The following OSBPL10 variants were observed in gnomAD, a reference collection of about 807,000 sequenced individuals.
OSBPL10 encodes oxysterol-binding protein-related protein 10.
A neutral mutation model predicts 81.7 loss-of-function variants in OSBPL10; 49 were observed. That is an observed-to-expected ratio of 0.60 (90% CI 0.48 to 0.76). The LOEUF (loss-of-function observed/expected upper bound fraction) is 0.76, where lower values mean the gene tolerates loss of function less well. Ranked by LOEUF, OSBPL10 falls within the 30% of genes least tolerant of loss-of-function variation. The pLI is 0.00. For synonymous variants in OSBPL10, 419 were observed against 383.6 expected, an observed-to-expected ratio of 1.09 and a Z score of -1.08; for missense variants, 923 against 987.8, an observed-to-expected ratio of 0.93 and a Z score of 0.88.
chr3:31,782,844 G>A (rs530866665), intron 4 of OSBPL10, among the ~76,000 whole-genome samples: 3 of 152,234 alleles, frequency 2.0e-5, no homozygotes, highest in South Asian at 2.1e-4. Context: ...TGGTGAGAAC[G>A]TCAACTAGCG....
intron 10 of OSBPL10, among the ~76,000 whole-genome samples, chr3:31,665,485 G>C (rs1700167439): frequency 6.6e-6 from 1 of 152,234 alleles, no homozygotes; most frequent in Non-Finnish European, 1.5e-5. Context: ...TTGAGTGCTG[G>C]CATGGTCAGG....
chr3:31,661,989 T>C lies in OSBPL10; in HGVS notation c.*83A>G. On this transcript the variant is annotated 3_prime_UTR_variant, in exon 12 of 12. Coordinates refer to ENST00000396556, the MANE Select transcript of OSBPL10 (RefSeq NM_017784.5). ...GATGCTAATACAAGGTCTCAGTGAA[T>C]GCCAACAAAACCCTGATACTCTACT... is the stretch of plus-strand genomic sequence containing the variant. 1 of 1,561,546 alleles carries C rather than the reference T, an allele frequency of 6.4e-7. No homozygotes were observed. The highest frequency in any genetic ancestry group is 8.7e-7 in the Non-Finnish European group (1 of 1,151,378).
In OSBPL10 at chr3:31,830,005, G is replaced by A. The variant is rs201730117; in HGVS notation, c.729+35C>T. 86 of 1,574,790 alleles carry A rather than the reference G, an allele frequency of 5.5e-5. No individual in the cohort carries two copies. The Admixed American group carries it at 8.7e-4, about 16-fold the overall frequency. ...CGACTGTCACAGCCCCCAACTCCCCGGGGCTGCTTAACCTAGTAGGAGAGC... is the reference window on the plus strand; with the variant it reads ...CGACTGTCACAGCCCCCAACTCCCCAGGGCTGCTTAACCTAGTAGGAGAGC... On this transcript the variant is annotated intron_variant, in intron 4 of 11. Transcript: ENST00000396556.
intron 3 of OSBPL10, among the ~76,000 whole-genome samples, chr3:31,871,303 G>A (rs1055840720): frequency 2.2e-4 from 33 of 151,806 alleles, no homozygotes; most frequent in Admixed American, 1.3e-4. Flanking sequence ...CTCCAGATGC[G>A]CCGCCTTAAG....
chr3:31,952,559 A>T (rs1697899022), intron 1 of OSBPL10, among the ~76,000 whole-genome samples: 1 of 152,182 alleles, frequency 6.6e-6, no homozygotes, highest in Non-Finnish European at 1.5e-5. Flanking sequence ...CAGGCACAGC[A>T]TGGGGAGCAA....
At position 31,773,494 on chromosome 3, in the gene OSBPL10, A is replaced by G. The variant is rs148311035; in HGVS notation, c.730-25374T>C. Among the ~76,000 whole-genome samples the G allele has an allele frequency of 1.1e-4, 17 of 152,356 alleles. No homozygotes were observed. The East Asian group carries it at 2.3e-3, about 21-fold the overall frequency. ...TGAATCACTTAGAAATGTTGCTAAC[A>G]CACAGCAAGTGTTACATGTTTGTGC... On this transcript the variant is annotated intron_variant, in intron 4 of 11. Transcript: ENST00000396556.
intron 1 of OSBPL10, among the ~76,000 whole-genome samples, chr3:31,907,477 AG>A (rs1696441472): frequency 6.6e-6 from 1 of 151,736 alleles, no homozygotes; most frequent in Admixed American, 6.6e-5. Flanking sequence ...AAATACAAAA[AG>A]TAGCCAGGCA....
chr3:31,981,825 C>G (rs1212373484), upstream of OSBPL10: 1 of 152,218 alleles, frequency 6.6e-6, no homozygotes, highest in Non-Finnish European at 1.5e-5. The surrounding 1 kb of genome is among the most constrained non-coding windows in gnomAD (Gnocchi z 4.5). Context: ...AAATTATCAC[C>G]GGCGGAGCAA....
intron 2 of OSBPL10, among the ~76,000 whole-genome samples, chr3:32,029,191 C>A (rs1699444877): frequency 2.0e-5 from 3 of 152,086 alleles, no homozygotes; most frequent in Admixed American, 1.3e-4. Flanking sequence ...CAGAAGTATG[C>A]CAACATATAA....
At chr3:31,915,816 G>A (rs537942758) in intron 1 of OSBPL10, among the ~76,000 whole-genome samples, 12 of 152,184 alleles carry the variant, frequency 7.9e-5, no homozygotes, top group South Asian at 2.1e-4. Flanking sequence ...AATCCAGGCC[G>A]GGAGTGGTAG....
chr3:32,046,310 T>A (rs1699621099), intron 2 of OSBPL10, among the ~76,000 whole-genome samples: 1 of 152,214 alleles, frequency 6.6e-6, no homozygotes, highest in Non-Finnish European at 1.5e-5. Flanking sequence ...CAAAATGTGT[T>A]AAAATGTGTC....
At chr3:31,963,249 T>C (rs1199408065) in intron 1 of OSBPL10, among the ~76,000 whole-genome samples, 1 of 150,516 alleles carries the variant, frequency 6.6e-6, no homozygotes, top group Admixed American at 6.6e-5. Context: ...CATCCATCCA[T>C]CTCCCTCCCT....
At chr3:31,832,305 G>C (rs188749362) in intron 3 of OSBPL10, among the ~76,000 whole-genome samples, 207 of 152,290 alleles carry the variant, frequency 1.4e-3, no homozygotes, top group Non-Finnish European at 2.0e-3. Context: ...ACAGTGAAGA[G>C]GGGAGATTTT....
At chr3:31,976,289 T>G (rs376839575) in intron 1 of OSBPL10, among the ~76,000 whole-genome samples, 21 of 152,328 alleles carry the variant, frequency 1.4e-4, no homozygotes, top group African/African-American at 4.6e-4. Flanking sequence ...ATAATCTCAT[T>G]TAATCTTCAC....
At chr3:31,893,642 G>C (rs1039799533) in intron 1 of OSBPL10, among the ~76,000 whole-genome samples, 4 of 152,076 alleles carry the variant, frequency 2.6e-5, no homozygotes, top group African/African-American at 9.7e-5. Flanking sequence ...ATGTTAACTG[G>C]TGAATGGATA....
intron 1 of OSBPL10, among the ~76,000 whole-genome samples, chr3:31,905,722 C>A (rs886772204): frequency 6.6e-6 from 1 of 151,666 alleles, no homozygotes; most frequent in African/African-American, 2.4e-5. Context: ...GATTAATAAA[C>A]ATCACTGAAT....
intron 4 of OSBPL10, among the ~76,000 whole-genome samples, chr3:31,762,630 A>ATTTTTTTTGTTTTTTTTTTT (rs1698081136): frequency 1.6e-5 from 1 of 61,514 alleles, no homozygotes; most frequent in African/African-American, 8.0e-5. Flanking sequence ...CATGCCCAGC[A>ATTTTTTTTGTTTTTTTTTTT]TTTTTTTTTT....
At chr3:32,035,562 CAAAAA>C (rs35533294) in intron 2 of OSBPL10, among the ~76,000 whole-genome samples, 2 of 91,062 alleles carry the variant, frequency 2.2e-5, no homozygotes, top group Non-Finnish European at 4.0e-5. Flanking sequence ...AACTCTGTCT[CAAAAA>C]AAAAAAAAAA....
At chr3:31,791,355 A>G (rs1699003724) in intron 4 of OSBPL10, among the ~76,000 whole-genome samples, 1 of 152,222 alleles carries the variant, frequency 6.6e-6, no homozygotes, top group African/African-American at 2.4e-5. Context: ...AATTGGCCAC[A>G]GTATTTAGAA....
Sources: allele counts gnomAD v4.1 joint callset (sites outside exome capture counted in the v4.1 genomes callset), GRCh38; gene constraint gnomAD v4.1.1; non-coding constraint Gnocchi (gnomAD v3.1); transcripts MANE v1.5; gene names NCBI Gene and HGNC (gene_info 2026-07-23, HGNC 2026-07-21).